The following SLC6A11 variants were observed in gnomAD, a reference collection of about 807,000 sequenced individuals.
SLC6A11 encodes sodium- and chloride-dependent GABA transporter 3.
In SLC6A11, 25 loss-of-function variants were observed where a neutral mutation model predicts 74.8. That is an observed-to-expected ratio of 0.33 (90% CI 0.24 to 0.47). The LOEUF (loss-of-function observed/expected upper bound fraction) is 0.47. Ranked by LOEUF, SLC6A11 falls within the 20% of genes least tolerant of loss-of-function variation. SLC6A11 has a pLI of 1.00. For synonymous variants in SLC6A11, 330 were observed against 330.2 expected (o/e 1.00, Z 0.01); for missense variants, 574 against 837.0 (o/e 0.69, Z 3.88).
chr3:10,824,834 G>A (rs919628328), intron 4 of SLC6A11: 6 of 152,166 alleles, frequency 3.9e-5, no homozygotes, highest in Non-Finnish European at 7.3e-5. Flanking sequence ...GAATTGCTGG[G>A]TTGTAGCATA....
chr3:10,852,032 G>A (rs570211589), intron 5 of SLC6A11, among the ~76,000 whole-genome samples: 23 of 152,362 alleles, frequency 1.5e-4, no homozygotes, highest in South Asian at 2.1e-4. Flanking sequence ...GAGGCATAAA[G>A]CAGGAGTAGA....
At chr3:10,886,831 C>A (rs1349859171) in intron 6 of SLC6A11, among the ~76,000 whole-genome samples, 3 of 151,764 alleles carry the variant, frequency 2.0e-5, no homozygotes, top group African/African-American at 7.3e-5. Context: ...AAAAATCTCT[C>A]CCTAGACCCT....
At chr3:10,822,533 G>A (rs1008644381) in intron 3 of SLC6A11, among the ~76,000 whole-genome samples, 4 of 152,208 alleles carry the variant, frequency 2.6e-5, no homozygotes, top group African/African-American at 7.2e-5. Context: ...AAAATAAAGG[G>A]AGTTGGAAAA....
At chr3:10,924,939 C>A (rs541838708) in intron 8 of SLC6A11, among the ~76,000 whole-genome samples, 6 of 152,272 alleles carry the variant, frequency 3.9e-5, no homozygotes, top group Admixed American at 2.6e-4. Context: ...TTTCTTAGAA[C>A]GTTAAACATA....
intron 6 of SLC6A11, among the ~76,000 whole-genome samples, chr3:10,881,903 G>A (rs940956873): frequency 6.6e-6 from 1 of 152,164 alleles, no homozygotes; most frequent in African/African-American, 2.4e-5. Flanking sequence ...GCTCAGACAT[G>A]CCTATTTGCT....
At chr3:10,840,614 A>G (rs977732043) in intron 4 of SLC6A11, among the ~76,000 whole-genome samples, 9 of 152,232 alleles carry the variant, frequency 5.9e-5, no homozygotes, top group African/African-American at 2.2e-4. Flanking sequence ...CCTAGTACAC[A>G]AAGACATGTA....
rs970160655 is a variant in SLC6A11 at position 10,940,013 on chromosome 3, G to A, written c.*1611G>A. Reference sequence around the variant, plus strand: ...ACCAAGGCCTGAGTTTCCTGTAAGGGTCCTCTGTTTTTGATTCACCCAAAA... The same window carrying A: ...ACCAAGGCCTGAGTTTCCTGTAAGGATCCTCTGTTTTTGATTCACCCAAAA... On this transcript the variant is annotated 3_prime_UTR_variant, in exon 14 of 14. Coordinates refer to ENST00000254488, the MANE Select transcript of SLC6A11 (RefSeq NM_014229.3). 2 of 152,244 alleles carry A rather than the reference G, an allele frequency of 1.3e-5. No individual in the cohort carries two copies. Among genetic ancestry groups the A allele is most frequent in the Admixed American group, 6.5e-5 (1 of 15,280 alleles). The allele number at this position is 152,244 out of a possible 1,614,324, so 9.4% of individuals were successfully genotyped here. A position where few individuals can be genotyped will look rare whatever the true frequency, so the allele number is the denominator to read the frequency against.
intron 5 of SLC6A11, among the ~76,000 whole-genome samples, chr3:10,854,809 T>C (rs542629093): frequency 1.3e-5 from 2 of 152,334 alleles, no homozygotes; most frequent in East Asian, 3.9e-4. Flanking sequence ...GTAGACTTAG[T>C]ATATTTATAA....
chr3:10,929,305 T>C lies in SLC6A11; in HGVS notation c.1337T>C (p.Ile446Thr), dbSNP rs1695651978. ...CTGCTCATCCTAGCCTTGTCTGTTA[T>C]CTCCTATTTTCTGGGCCTCGTGATG... is the stretch of plus-strand genomic sequence containing the variant. Reference protein sequence around the residue: ...RELLILALSVISYFLGLVMLT... With the variant: ...RELLILALSVTSYFLGLVMLT... Residue 446 changes from isoleucine (I) to threonine (T), a missense_variant, in exon 10 of 14, where the codon ATC becomes ACC. Physicochemically the swap from Ile to Thr is moderately conservative, Grantham distance 89. Coordinates refer to ENST00000254488, the MANE Select transcript of SLC6A11 (RefSeq NM_014229.3). 6.2e-7 allele frequency: 1 copy of C among 1,614,066 alleles called. No homozygotes were observed. Among genetic ancestry groups the C allele is most frequent in the Non-Finnish European group, 8.5e-7 (1 of 1,179,994 alleles).
At chr3:10,903,843 C>T (rs1355419011) in intron 6 of SLC6A11, among the ~76,000 whole-genome samples, 1 of 152,144 alleles carries the variant, frequency 6.6e-6, no homozygotes, top group Non-Finnish European at 1.5e-5. Flanking sequence ...GACATGCTGC[C>T]CACATATGCA....
At chr3:10,836,023 T>C (rs1575670328) in intron 4 of SLC6A11, among the ~76,000 whole-genome samples, 1 of 152,204 alleles carries the variant, frequency 6.6e-6, no homozygotes, top group East Asian at 1.9e-4. Context: ...TCACCATTAA[T>C]CTCCATTCCC....
At chr3:10,884,467 AG>A (rs1337548039) in intron 6 of SLC6A11, among the ~76,000 whole-genome samples, 1 of 152,236 alleles carries the variant, frequency 6.6e-6, no homozygotes, top group Non-Finnish European at 1.5e-5. Flanking sequence ...ATAAGTCATG[AG>A]AATTTTAAAG....
intron 5 of SLC6A11, among the ~76,000 whole-genome samples, chr3:10,872,690 T>C (rs1416052788): frequency 6.6e-6 from 1 of 151,776 alleles, no homozygotes. Context: ...AGTGAGTGAG[T>C]GAGTAGGTGA....
rs769366759 is a variant in SLC6A11, at chr3:10,935,210, C to T, written c.1746+11C>T. 1.9e-6 allele frequency: 3 copies of T among 1,613,314 alleles called. No homozygotes were observed. In the African/African-American group the frequency reaches 4.0e-5, roughly 22 times the overall value. Reference sequence around the variant, plus strand: ...GGGACACTGCCCGAGGTGAGACCGCCCCAGGAGGGCTGGTGCGTTTGGGCA... The same window carrying T: ...GGGACACTGCCCGAGGTGAGACCGCTCCAGGAGGGCTGGTGCGTTTGGGCA... On this transcript the variant is annotated intron_variant, in intron 13 of 13. Transcript: ENST00000254488.
chr3:10,909,978 C>T (rs1307721543), intron 6 of SLC6A11, among the ~76,000 whole-genome samples: 1 of 152,120 alleles, frequency 6.6e-6, no homozygotes, highest in African/African-American at 2.4e-5. Flanking sequence ...TATCTCATAC[C>T]CCCCACACAT....
At chr3:10,911,285 T>C (rs2655282) in intron 6 of SLC6A11, among the ~76,000 whole-genome samples, 56,534 of 152,126 alleles carry the variant, frequency 0.37, 11,196 homozygotes, top group East Asian at 0.52. Context: ...AGCTGCATTT[T>C]GATTTGAGCT....
chr3:10,912,527 G>A (rs1235089012), intron 7 of SLC6A11, among the ~76,000 whole-genome samples: 1 of 152,228 alleles, frequency 6.6e-6, no homozygotes, highest in Non-Finnish European at 1.5e-5. Flanking sequence ...TATACACCAA[G>A]GGCCTTGTTC....
Position 10,818,638 on chromosome 3 carries a change from C to T in SLC6A11, c.257-827C>T, listed in dbSNP as rs546557638. On this transcript the variant is annotated intron_variant, in intron 1 of 13. Coordinates refer to ENST00000254488, the MANE Select transcript of SLC6A11 (RefSeq NM_014229.3). Reference sequence around the variant, plus strand: ...GGCAAAAAGCACTTTCAGTTAAAGCCGTCATTTGTGAGATCAGATGGTGGC... The same window carrying T: ...GGCAAAAAGCACTTTCAGTTAAAGCTGTCATTTGTGAGATCAGATGGTGGC... Among the ~76,000 whole-genome samples, 17 of 152,218 alleles carry T rather than the reference C, an allele frequency of 1.1e-4. No homozygotes were observed. The South Asian group carries it at 2.9e-3, about 26-fold the overall frequency.
At chr3:10,859,433 G>C (rs995483361) in intron 5 of SLC6A11, among the ~76,000 whole-genome samples, 2 of 152,148 alleles carry the variant, frequency 1.3e-5, no homozygotes, top group African/African-American at 4.8e-5. Flanking sequence ...ATTAATGTCT[G>C]TGACTCTGCA....
Sources: gnomAD v4.1 joint callset for allele counts (sites outside exome capture counted in the v4.1 genomes callset) on GRCh38, gnomAD v4.1.1 for gene constraint, MANE v1.5 for transcripts, NCBI Gene and HGNC (gene_info 2026-07-23, HGNC 2026-07-21) for gene names.